The following TUBA4B variants were observed in gnomAD, a reference collection of about 807,000 sequenced individuals.
TUBA4B encodes tubulin alpha 4b, also known as tubulin-like protein alpha-4B.
TUBA4B carries 13 observed loss-of-function variants against 18.4 expected under a neutral mutation model. The ratio of observed to expected loss-of-function variants is 0.71; its 90% CI spans 0.46 to 1.12. The LOEUF (loss-of-function observed/expected upper bound fraction) is 1.12, where lower values mean the gene tolerates loss of function less well. TUBA4B is among the 50% of genes most tolerant of loss of function. The pLI, the probability that TUBA4B is intolerant of heterozygous loss-of-function variation, is 0.00. For synonymous variants in TUBA4B, 101 were observed against 99.1 expected (o/e 1.02, Z -0.11); for missense variants, 244 against 250.0 (o/e 0.98, Z 0.16).
At chr2:219,257,791 T>C (rs1425664445) in intron 1 of TUBA4B, among the ~76,000 whole-genome samples, 1 of 151,272 alleles carries the variant, frequency 6.6e-6, no homozygotes, top group African/African-American at 2.4e-5. Flanking sequence ...CACTCCAGCC[T>C]GGGCAACAAG....
chr2:219,265,110 G>A (rs2125076245), intron 1 of TUBA4B, among the ~76,000 whole-genome samples: 1 of 152,326 alleles, frequency 6.6e-6, no homozygotes, highest in Admixed American at 6.5e-5. Context: ...GGAGGAAGGA[G>A]ATAAAGACCG....
Position 219,271,986 on chromosome 2 carries a change from G to T in TUBA4B, c.*287G>T. 6.6e-7 allele frequency: 1 copy of T among 1,522,638 alleles called. No homozygotes were observed. The highest frequency in any genetic ancestry group is 9.1e-7 in the Non-Finnish European group (1 of 1,097,450). 94.3% of individuals were successfully genotyped at this position (1,522,638 alleles called of 1,614,324 possible). A position where few individuals can be genotyped will look rare whatever the true frequency, so the allele number is the denominator to read the frequency against. On this transcript the variant is annotated 3_prime_UTR_variant, in exon 4 of 4. Coordinates refer to ENST00000490341, the MANE Select transcript of TUBA4B (RefSeq NM_001355221.1). ...GGACCACAAGTTTGACCTGATGTAT[G>T]CCAAGAGGGCGTTTGGGCACTGATA...
intron 1 of TUBA4B, among the ~76,000 whole-genome samples, chr2:219,256,067 A>G (rs566980868): frequency 3.9e-5 from 6 of 152,356 alleles, no homozygotes; most frequent in African/African-American, 1.2e-4. Flanking sequence ...ACATGGCAGT[A>G]GGTTGCAGAC....
In TUBA4B at chr2:219,271,924, G is replaced by A; in HGVS notation, c.*225G>A. 2.1e-6 allele frequency: 3 copies of A among 1,451,272 alleles called. No homozygotes were observed. Among genetic ancestry groups the A allele is most frequent in the African/African-American group, 1.4e-5 (1 of 71,640 alleles). The allele number at this position is 1,451,272 out of a possible 1,614,324, so 89.9% of individuals were successfully genotyped here. ...GTGCAACGTGCCATGTGCATGCTGA[G>A]CAACATGACAGCCATCACTATGGCC... On this transcript the variant is annotated 3_prime_UTR_variant, in exon 4 of 4. Coordinates refer to ENST00000490341, the MANE Select transcript of TUBA4B (RefSeq NM_001355221.1).
intron 1 of TUBA4B, among the ~76,000 whole-genome samples, chr2:219,259,391 GTGTGTGTGTT>G (rs370639927): frequency 0.023 from 3,443 of 151,266 alleles, 129 homozygotes; most frequent in African/African-American, 0.079. Flanking sequence ...CTGATTGTGT[GTGTGTGTGTT>G]TGTGTGTGTG....
Position 219,256,140 on chromosome 2 carries a change from T to C in TUBA4B, c.12+2721T>C, listed in dbSNP as rs200976276. On this transcript the variant is annotated intron_variant, in intron 1 of 3. Coordinates refer to ENST00000490341, the MANE Select transcript of TUBA4B (RefSeq NM_001355221.1). ...TAGCAGAATGAACATAGTAAGAGAC[T>C]TGAGCTATCTTAGGAAAAACTCTAA... Among the ~76,000 whole-genome samples the C allele has an allele frequency of 1.4e-4, 22 of 152,338 alleles. No homozygotes were observed. The East Asian group carries it at 4.2e-3, about 29-fold the overall frequency.
At chr2:219,268,105 CT>C (rs544596055) in intron 2 of TUBA4B, among the ~76,000 whole-genome samples, 7,942 of 118,526 alleles carry the variant, frequency 0.067, 322 homozygotes, top group African/African-American at 0.18. Context: ...AACTCATTAT[CT>C]TTTTTTTTTT....
chr2:219,270,477 C>T, intron 3 of TUBA4B, 142 bp downstream of exon 3: 1 of 617,396 alleles, frequency 1.6e-6, no homozygotes, highest in Non-Finnish European at 2.9e-6. Flanking sequence ...AGAGGCCCTG[C>T]ACTCTGATCG....
Position 219,272,154 on chromosome 2 carries a change from CTG to C in TUBA4B, c.*461_*462del. 3.1e-6 allele frequency: 2 copies of C among 641,384 alleles called. No homozygotes were observed. The highest frequency in any genetic ancestry group is 3.2e-5 in the South Asian group (2 of 61,740). 39.7% of individuals were successfully genotyped at this position (641,384 alleles called of 1,614,324 possible). ...AGGGGGGATGAATACTAGGGGAATA[CTG>C]TGTGTCTGTCCTACATAAAGTGCTG... On this transcript the variant is annotated 3_prime_UTR_variant, in exon 4 of 4. Coordinates refer to ENST00000490341, the MANE Select transcript of TUBA4B (RefSeq NM_001355221.1).
chr2:219,266,334 C>A, intron 1 of TUBA4B, 187 bp from the exon 2 acceptor site: 1 of 573,856 alleles, frequency 1.7e-6, no homozygotes, highest in Middle Eastern at 3.8e-4. Flanking sequence ...CCCACCTCAG[C>A]TGGCTCCCCT....
At position 219,272,044 on chromosome 2, in the gene TUBA4B, C is replaced by T. The variant is rs919935902; in HGVS notation, c.*345C>T. On this transcript the variant is annotated 3_prime_UTR_variant, in exon 4 of 4. Transcript: ENST00000490341. ...GAGGGCATGGAGGAGGGTGAGTTCT[C>T]CAAGGCCCATGAGGATATGACTGCC... 25 of 1,442,450 alleles carry T rather than the reference C, an allele frequency of 1.7e-5. No individual in the cohort carries two copies. The highest frequency in any genetic ancestry group is 1.0e-4 in the Admixed American group (6 of 59,416). 89.4% of individuals were successfully genotyped at this position (1,442,450 alleles called of 1,614,324 possible).
intron 1 of TUBA4B, among the ~76,000 whole-genome samples, chr2:219,259,318 TAAAA>T (rs35321348): frequency 1.4e-5 from 1 of 73,924 alleles, no homozygotes; most frequent in African/African-American, 5.0e-5. Flanking sequence ...AGACTCTGTC[TAAAA>T]AAAAAAAAAA....
At chr2:219,265,823 C>T (rs907438679) in intron 1 of TUBA4B, among the ~76,000 whole-genome samples, 1 of 152,220 alleles carries the variant, frequency 6.6e-6, no homozygotes, top group Non-Finnish European at 1.5e-5. Context: ...CCTGCTCATC[C>T]TCTTGCTTTG....
chr2:219,271,497 C>T lies in TUBA4B; in HGVS notation c.524C>T (p.Ser175Phe). 3 of 1,614,198 alleles carry T rather than the reference C, an allele frequency of 1.9e-6. No individual in the cohort carries two copies. In the South Asian group the frequency reaches 3.3e-5, roughly 18 times the overall value. ...NLNRLISQIVSSITASLRFDG... is the reference protein window; with the variant it reads ...NLNRLISQIVFSITASLRFDG... The stretch of plus-strand genomic sequence containing the variant: ...AATCGCCTCATTAGCCAAATTGTCT[C>T]CTCCATCACAGCTTCTCTGCGCTTT... Residue 175 changes from serine (S) to phenylalanine (F), a missense_variant, in exon 4 of 4, where the codon TCC (serine) becomes TTC (phenylalanine). Transcript: ENST00000490341.
At chr2:219,266,921 G>T (rs1951793786) in intron 2 of TUBA4B, among the ~76,000 whole-genome samples, 1 of 152,130 alleles carries the variant, frequency 6.6e-6, no homozygotes, top group South Asian at 2.1e-4. Context: ...AGGATCTCCA[G>T]ACCCTGGGCC....
intron 3 of TUBA4B, among the ~76,000 whole-genome samples, chr2:219,270,810 G>A (rs1217210631): frequency 2.0e-5 from 3 of 152,174 alleles, no homozygotes; most frequent in South Asian, 2.1e-4. Context: ...TTAAATCAGC[G>A]GGGCATGGGT....
intron 3 of TUBA4B, 38 bp from the exon 4 acceptor site, chr2:219,271,128 C>A: frequency 1.4e-6 from 1 of 719,730 alleles, no homozygotes; most frequent in Non-Finnish European, 2.5e-6. Context: ...ATCAGCTGTG[C>A]TCCATGCCCC....
chr2:219,255,034 T>A (rs1195152443), intron 1 of TUBA4B, among the ~76,000 whole-genome samples: 1 of 152,048 alleles, frequency 6.6e-6, no homozygotes, highest in African/African-American at 2.4e-5. Context: ...TCAAGCTACT[T>A]CTGCTTTCTC....
At chr2:219,267,449 G>A (rs1325137263) in intron 2 of TUBA4B, among the ~76,000 whole-genome samples, 1 of 152,200 alleles carries the variant, frequency 6.6e-6, no homozygotes, top group African/African-American at 2.4e-5. Context: ...CGCCGGCTAT[G>A]AGATTCTTCT....
Sources: allele counts gnomAD v4.1 joint callset (sites outside exome capture counted in the v4.1 genomes callset), GRCh38; gene constraint gnomAD v4.1.1; transcripts MANE v1.5; gene names NCBI Gene and HGNC (gene_info 2026-07-23, HGNC 2026-07-21).